Variants in PIEZO2 observed in about 807,000 individuals in gnomAD.
PIEZO2 encodes piezo-type mechanosensitive ion channel component 2.
Under a neutral mutation model 337.3 loss-of-function variants are expected in PIEZO2, and 172 were observed. The observed-to-expected ratio is 0.51, with a 90% CI of 0.45 to 0.58. PIEZO2 has a LOEUF of 0.58. PIEZO2 is among the 20% of genes least tolerant of loss of function. The pLI, the probability that PIEZO2 is intolerant of heterozygous loss-of-function variation, is 0.00. For missense variants in PIEZO2, 3,028 were observed against 3,391.3 expected (o/e 0.89, Z 2.66); for synonymous variants, 1,251 against 1,228.5 (o/e 1.02, Z -0.38).
chr18:11,068,132 G>A (rs2038211964), intron 1 of PIEZO2, among the ~76,000 whole-genome samples: 1 of 152,142 alleles, frequency 6.6e-6, no homozygotes, highest in African/African-American at 2.4e-5. Context: ...GTGTTAGCCA[G>A]GATGGTCTCA....
At position 11,035,582 on chromosome 18, in the gene PIEZO2, T is replaced by C. The variant is rs1173680606; in HGVS notation, c.160+30545A>G. Among the ~76,000 whole-genome samples, 1 of 152,168 alleles carries C rather than the reference T, an allele frequency of 6.6e-6. No homozygotes were observed. Among genetic ancestry groups the C allele is most frequent in the African/African-American group, 2.4e-5 (1 of 41,432 alleles). ...CCAGCAGGGGACACATGCAATTTAC[T>C]TGGCAGCTACCACACAAAGAGGATC... is the stretch of plus-strand genomic sequence containing the variant. On this transcript the variant is annotated intron_variant, in intron 2 of 55. Coordinates refer to ENST00000674853, the MANE Select transcript of PIEZO2 (RefSeq NM_001378183.1). The surrounding 1 kb of genome is among the most constrained non-coding windows in gnomAD (Gnocchi z 4.3).
intron 1 of PIEZO2, among the ~76,000 whole-genome samples, chr18:11,071,198 G>A (rs8090019): frequency 0.64 from 97,493 of 152,040 alleles, 32,072 homozygotes; most frequent in East Asian, 0.97. Context: ...TTTCTTAAAG[G>A]TTCAAAGCAG....
intron 47 of PIEZO2, among the ~76,000 whole-genome samples, chr18:10,691,782 C>CACATATATATATATATATATATATATAT: frequency 2.1e-5 from 2 of 96,644 alleles, no homozygotes; most frequent in African/African-American, 9.3e-5. Flanking sequence ...CACACACACA[C>CACATATATATATATATATATATATATAT]ATATATATAT....
At position 10,995,155 on chromosome 18, in the gene PIEZO2, G is replaced by T. The variant is rs543519852; in HGVS notation, c.161-15495C>A. On this transcript the variant is annotated intron_variant, in intron 2 of 55. Transcript: ENST00000674853. ...ACATCTATTTTTTTTTAAATTTTTT[G>T]ACTATGGCCATTCTTTCAGGAGTAA... Among the ~76,000 whole-genome samples, 11 of 145,618 alleles carry T rather than the reference G, an allele frequency of 7.6e-5. No homozygotes were observed. In the South Asian group the frequency reaches 1.1e-3, roughly 14 times the overall value.
chr18:11,050,321 T>C (rs1252746784), intron 2 of PIEZO2, among the ~76,000 whole-genome samples: 1 of 152,192 alleles, frequency 6.6e-6, no homozygotes, highest in African/African-American at 2.4e-5. Context: ...GTATAAGCAC[T>C]GTTTTTAACC....
intron 4 of PIEZO2, among the ~76,000 whole-genome samples, chr18:10,889,715 A>G (rs926572612): frequency 2.0e-5 from 3 of 152,192 alleles, no homozygotes; most frequent in African/African-American, 7.2e-5. Context: ...AGCTCTTTAC[A>G]CAGTGGATGA....
chr18:10,886,380 G>GTATATATATATA (rs1173330460), intron 4 of PIEZO2, among the ~76,000 whole-genome samples: 2 of 3,034 alleles, frequency 6.6e-4, no homozygotes, highest in Non-Finnish European at 8.6e-4. Flanking sequence ...GTGTGTGTGT[G>GTATATATATATA]TATATATATA....
intron 1 of PIEZO2, among the ~76,000 whole-genome samples, chr18:11,107,198 C>T (rs1308779103): frequency 6.6e-6 from 1 of 152,160 alleles, no homozygotes; most frequent in South Asian, 2.1e-4. Flanking sequence ...CGTAGGGTTG[C>T]TGTGAGGATT....
intron 3 of PIEZO2, among the ~76,000 whole-genome samples, chr18:10,948,408 T>A (rs1047575263): frequency 1.3e-5 from 2 of 152,216 alleles, no homozygotes; most frequent in Non-Finnish European, 2.9e-5. Flanking sequence ...TGATGCATTT[T>A]TTTTGGTTTA....
At chr18:11,117,813 AGAG>A (rs1292079377) in intron 1 of PIEZO2, among the ~76,000 whole-genome samples, 1 of 152,200 alleles carries the variant, frequency 6.6e-6, no homozygotes, top group East Asian at 1.9e-4. Context: ...TGAGTCCCAC[AGAG>A]GAGTATGAAG....
In PIEZO2 at chr18:10,894,878, T is replaced by C. The variant is rs181074987; in HGVS notation, c.329+16308A>G. On this transcript the variant is annotated intron_variant, in intron 4 of 55. Transcript: ENST00000674853. This position sits in a 1 kb window ranked among gnomAD's most constrained non-coding sequence, Gnocchi z 4.1. ...ATTCTTTCATCTGAGGAGGGAAGAA[T>C]TGAAGTTGCTGTAGACCCGTATAGA... is the stretch of plus-strand genomic sequence containing the variant. 1.1e-4 allele frequency: 17 copies of C among 152,380 alleles called. No homozygotes were observed. The highest frequency in any genetic ancestry group is 3.3e-4 in the Admixed American group (5 of 15,308). 9.4% of individuals were successfully genotyped at this position (152,380 alleles called of 1,614,324 possible). A position where few individuals can be genotyped will look rare whatever the true frequency, so the allele number is the denominator to read the frequency against.
intron 9 of PIEZO2, 39 bp downstream of exon 9, chr18:10,803,836 A>G: frequency 6.5e-7 from 1 of 1,534,588 alleles, no homozygotes; most frequent in East Asian, 2.4e-5. Flanking sequence ...ACAAAAACAG[A>G]AAAATTAGGG....
chr18:10,939,381 C>G (rs1039888108), intron 3 of PIEZO2, among the ~76,000 whole-genome samples: 2 of 145,320 alleles, frequency 1.4e-5, no homozygotes, highest in African/African-American at 5.1e-5. Context: ...GATCTAGAAC[C>G]AGAAATACCA....
intron 3 of PIEZO2, among the ~76,000 whole-genome samples, chr18:10,931,713 T>TGTGTGTGTGAGAGA (rs1004023756): frequency 4.1e-5 from 6 of 147,760 alleles, no homozygotes; most frequent in African/African-American, 1.5e-4. Context: ...TGTGTGTGTG[T>TGTGTGTGTGAGAGA]GAGAGAGAGA....
In PIEZO2 at chr18:10,888,019, C is replaced by T. The variant is rs1387707753; in HGVS notation, c.330-16604G>A. 6.6e-6 allele frequency among the ~76,000 whole-genome samples: 1 copy of T among 152,134 alleles called. No individual in the cohort carries two copies. The highest frequency in any genetic ancestry group is 1.5e-5 in the Non-Finnish European group (1 of 68,022). On this transcript the variant is annotated intron_variant, in intron 4 of 55. Transcript: ENST00000674853. This position sits in a 1 kb window ranked among gnomAD's most constrained non-coding sequence, Gnocchi z 4.1. ...ATATATTCTGAAATTGCATCAATGT[C>T]CTCTGCCTTATCAAGCTTCCACCCA... is the stretch of plus-strand genomic sequence containing the variant.
Position 10,821,602 on chromosome 18 carries a change from C to T in PIEZO2, c.918-14328G>A, listed in dbSNP as rs987361172. On this transcript the variant is annotated intron_variant, in intron 7 of 55. Transcript: ENST00000674853. This position sits in a 1 kb window ranked among gnomAD's most constrained non-coding sequence, Gnocchi z 4.2. ...TCTTGCCTTATTTTCTCTCTTCTTACCTCATTTCAGATACAACCTAGAAGT... is the reference window on the plus strand; with the variant it reads ...TCTTGCCTTATTTTCTCTCTTCTTATCTCATTTCAGATACAACCTAGAAGT... Among the ~76,000 whole-genome samples the T allele has an allele frequency of 3.6e-4, 55 of 152,202 alleles. No individual in the cohort carries two copies. The highest frequency in any genetic ancestry group is 1.3e-3 in the African/African-American group (54 of 41,524).
At chr18:10,800,601 T>C in intron 10 of PIEZO2, 126 bp from the exon 11 acceptor site, 1 of 1,142,182 alleles carries the variant, frequency 8.8e-7, no homozygotes. Context: ...CTGAATAACT[T>C]AGCCAATTGC....
chr18:10,882,467 G>A (rs1327221188), intron 4 of PIEZO2, among the ~76,000 whole-genome samples: 1 of 152,140 alleles, frequency 6.6e-6, no homozygotes, highest in Non-Finnish European at 1.5e-5. Context: ...ATTGTATTTA[G>A]TAAGGACATT....
chr18:10,795,111 C>A lies in PIEZO2; in HGVS notation c.1528-109G>T. Reference sequence around the variant, plus strand: ...AAAGAAAAGGTCATAATATTCAAACCAGGGAGAGTAGAGAGTTGTGGTGGA... The same window carrying A: ...AAAGAAAAGGTCATAATATTCAAACAAGGGAGAGTAGAGAGTTGTGGTGGA... On this transcript the variant is annotated intron_variant, in intron 12 of 55. Coordinates refer to ENST00000674853, the MANE Select transcript of PIEZO2 (RefSeq NM_001378183.1). The surrounding 1 kb of genome is among the most constrained non-coding windows in gnomAD (Gnocchi z 4.4). The A allele has an allele frequency of 1.1e-6, 1 of 951,308 alleles. No homozygotes were observed. Among genetic ancestry groups the A allele is most frequent in the Non-Finnish European group, 1.6e-6 (1 of 641,916 alleles). 58.9% of individuals were successfully genotyped at this position (951,308 alleles called of 1,614,324 possible). A position where few individuals can be genotyped will look rare whatever the true frequency, so the allele number is the denominator to read the frequency against.
Sources: allele counts gnomAD v4.1 joint callset (sites outside exome capture counted in the v4.1 genomes callset), GRCh38; gene constraint gnomAD v4.1.1; non-coding constraint Gnocchi (gnomAD v3.1); transcripts MANE v1.5; gene names NCBI Gene and HGNC (gene_info 2026-07-23, HGNC 2026-07-21).